Variants in PLCL1 observed in about 807,000 individuals in gnomAD.
PLCL1 encodes inactive phospholipase C-like protein 1.
PLCL1 carries 41 observed loss-of-function variants against 84.4 expected under a neutral mutation model. The ratio of observed to expected loss-of-function variants is 0.49; its 90% CI spans 0.38 to 0.63. The LOEUF is 0.63. Among genes scored for constraint, PLCL1 ranks in the 30% least tolerant of loss-of-function variants. PLCL1 has a pLI of 0.00. For synonymous variants in PLCL1, 490 were observed against 488.3 expected (o/e 1.00, Z -0.05); for missense variants, 1,206 against 1,367.8 (o/e 0.88, Z 1.87).
At chr2:197,859,104 G>A (rs560707347) in intron 1 of PLCL1, among the ~76,000 whole-genome samples, 5 of 152,256 alleles carry the variant, frequency 3.3e-5, no homozygotes, top group South Asian at 4.1e-4. Context: ...CAGATTTAAG[G>A]AGTCGAAAAG....
chr2:197,826,212 T>A (rs1291767948), intron 1 of PLCL1, among the ~76,000 whole-genome samples: 1 of 152,190 alleles, frequency 6.6e-6, no homozygotes, highest in African/African-American at 2.4e-5. Flanking sequence ...TTGAGATACC[T>A]CGTTCACAAT....
chr2:197,812,233 G>A (rs1432123223), intron 1 of PLCL1, among the ~76,000 whole-genome samples: 1 of 152,152 alleles, frequency 6.6e-6, no homozygotes, highest in Non-Finnish European at 1.5e-5. Context: ...ATGATTCCAT[G>A]TTTTTGCTAT....
chr2:197,936,303 T>G (rs1442445432), intron 1 of PLCL1, among the ~76,000 whole-genome samples: 1 of 152,180 alleles, frequency 6.6e-6, no homozygotes, highest in African/African-American at 2.4e-5. Flanking sequence ...CTGGATTATA[T>G]GATAATTCTA....
rs751560291 is a variant in PLCL1, at chr2:198,085,040, A to C, written c.1523A>C (p.Lys508Thr). The C allele has an allele frequency of 5.0e-6, 8 of 1,614,046 alleles. No homozygotes were observed. The South Asian group carries it at 8.8e-5, about 18-fold the overall frequency. The change falls in exon 2 of 6, where the codon AAA (lysine) becomes ACA (threonine). Residue 508 changes from lysine (K) to threonine (T), a missense_variant. Lys to Thr is a moderately conservative substitution (Grantham distance 78). Coordinates refer to ENST00000428675, the MANE Select transcript of PLCL1 (RefSeq NM_006226.4). This position sits in a 1 kb window ranked among gnomAD's most constrained non-coding sequence, Gnocchi z 5.3. ...PQQKVMAQQM[K>T]KVFGNKLYTE... The stretch of plus-strand genomic sequence containing the variant: ...CAGAAGGTAATGGCTCAACAGATGA[A>C]AAAGGTCTTTGGCAATAAACTCTAT...
chr2:198,071,062 C>T, intron 1 of PLCL1: 1 of 708,748 alleles, frequency 1.4e-6, no homozygotes, highest in Non-Finnish European at 1.7e-6. Context: ...TCATATTATA[C>T]TATAAGTACT....
chr2:198,022,015 A>G (rs1430318095), intron 1 of PLCL1, among the ~76,000 whole-genome samples: 1 of 152,254 alleles, frequency 6.6e-6, no homozygotes, highest in Non-Finnish European at 1.5e-5. Flanking sequence ...ATCCAGCAGC[A>G]CATCAAAAAG....
intron 1 of PLCL1, among the ~76,000 whole-genome samples, chr2:198,073,620 T>C (rs1692512445): frequency 6.6e-6 from 1 of 152,220 alleles, no homozygotes; most frequent in African/African-American, 2.4e-5. Flanking sequence ...GCACACAGCA[T>C]TGGGTCAAGA....
chr2:198,014,106 T>C (rs1690934185), intron 1 of PLCL1, among the ~76,000 whole-genome samples: 1 of 152,100 alleles, frequency 6.6e-6, no homozygotes, highest in Non-Finnish European at 1.5e-5. Flanking sequence ...ATTTAGATAA[T>C]TGGTTTAAAA....
At chr2:197,953,108 T>C (rs1689418611) in intron 1 of PLCL1, among the ~76,000 whole-genome samples, 1 of 152,112 alleles carries the variant, frequency 6.6e-6, no homozygotes, top group Non-Finnish European at 1.5e-5. Flanking sequence ...TGTTATGAAG[T>C]AGGTATTGTT....
intron 1 of PLCL1, among the ~76,000 whole-genome samples, chr2:197,916,079 A>G (rs1688593660): frequency 6.6e-6 from 1 of 152,212 alleles, no homozygotes; most frequent in Non-Finnish European, 1.5e-5. Context: ...TAAATTCTTG[A>G]GGCAAAGATT....
intron 3 of PLCL1, among the ~76,000 whole-genome samples, chr2:198,093,521 T>C (rs1395390155): frequency 1.3e-5 from 2 of 152,072 alleles, no homozygotes; most frequent in Admixed American, 6.5e-5. Context: ...TTTGGATGAA[T>C]AAGGGAAAAA....
rs565984822 is a variant in PLCL1 at position 198,062,545 on chromosome 2, G to A, written c.241-21213G>A. On this transcript the variant is annotated intron_variant, in intron 1 of 5. Transcript: ENST00000428675. ...CCTCTTTTTTTCTGAACTAACAATG[G>A]AATTAAAATTCAAGTGCTGAAAAAA... is the stretch of plus-strand genomic sequence containing the variant. 2.0e-5 allele frequency among the ~76,000 whole-genome samples: 3 copies of A among 152,024 alleles called. No homozygotes were observed. The South Asian group carries it at 6.2e-4, about 32-fold the overall frequency.
intron 1 of PLCL1, among the ~76,000 whole-genome samples, chr2:198,076,846 C>T (rs1169207509): frequency 6.6e-6 from 1 of 152,150 alleles, no homozygotes; most frequent in Non-Finnish European, 1.5e-5. Context: ...CAGTGATGAT[C>T]CCATCTCTCC....
intron 1 of PLCL1, among the ~76,000 whole-genome samples, chr2:197,995,609 GC>G (rs1690441823): frequency 6.6e-6 from 1 of 152,094 alleles, no homozygotes; most frequent in Non-Finnish European, 1.5e-5. Flanking sequence ...GGAGAGCACA[GC>G]ATGGGAAGGC....
rs766432782 is a variant in PLCL1, at chr2:198,147,833, T to G, written c.*871T>G. The G allele has an allele frequency of 4.6e-5, 7 of 152,238 alleles. No individual in the cohort carries two copies. Among genetic ancestry groups the G allele is most frequent in the Non-Finnish European group, 1.0e-4 (7 of 68,002 alleles). 9.4% of individuals were successfully genotyped at this position (152,238 alleles called of 1,614,324 possible). A position where few individuals can be genotyped will look rare whatever the true frequency, so the allele number is the denominator to read the frequency against. ...AGGTCTCATTCTTCCAAGCTGAGAG[T>G]CTAGCACTCATTTTCTATAACAGAT... On this transcript the variant is annotated 3_prime_UTR_variant, in exon 6 of 6. Coordinates refer to ENST00000428675, the MANE Select transcript of PLCL1 (RefSeq NM_006226.4).
chr2:198,004,131 T>C (rs554541228), intron 1 of PLCL1, among the ~76,000 whole-genome samples: 2 of 147,522 alleles, frequency 1.4e-5, no homozygotes, highest in African/African-American at 4.9e-5. Flanking sequence ...CAATGTAATA[T>C]ATTTAGCTTT....
intron 1 of PLCL1, among the ~76,000 whole-genome samples, chr2:197,912,494 C>A (rs1386028721): frequency 2.0e-5 from 3 of 151,790 alleles, no homozygotes; most frequent in Non-Finnish European, 2.9e-5. Flanking sequence ...CACATGCACA[C>A]GTATGTTTAT....
At chr2:197,818,341 A>C (rs1171337949) in intron 1 of PLCL1, among the ~76,000 whole-genome samples, 1 of 151,938 alleles carries the variant, frequency 6.6e-6, no homozygotes, top group African/African-American at 2.4e-5. Flanking sequence ...CACTACCTTC[A>C]CTATTTCTTT....
chr2:198,114,653 T>TG (rs1462247459), intron 5 of PLCL1, among the ~76,000 whole-genome samples: 1 of 151,864 alleles, frequency 6.6e-6, no homozygotes, highest in African/African-American at 2.4e-5. Context: ...TGTTTCATTC[T>TG]GGTTCCTTAC....
Sources: gnomAD v4.1 joint callset for allele counts (sites outside exome capture counted in the v4.1 genomes callset) on GRCh38, gnomAD v4.1.1 for gene constraint, Gnocchi (gnomAD v3.1) non-coding constraint, MANE v1.5 for transcripts, NCBI Gene and HGNC (gene_info 2026-07-23, HGNC 2026-07-21) for gene names.